Variants in PLTP observed in about 807,000 individuals in gnomAD.
PLTP encodes phospholipid transfer protein, also known as BPI fold containing family E.
In PLTP, 43 loss-of-function variants were observed where a neutral mutation model predicts 54.1. That is an observed-to-expected ratio of 0.79 (90% CI 0.62 to 1.02). The LOEUF is 1.02. PLTP is among the 50% of genes least tolerant of loss of function. PLTP has a pLI of 0.00. For missense variants in PLTP, 604 were observed against 645.9 expected (o/e 0.94, Z 0.70); for synonymous variants, 263 against 264.6 (o/e 0.99, Z 0.06).
rs1303749017 is a variant in PLTP, at chr20:45,908,989, G to A, written c.485+527C>T. Among the ~76,000 whole-genome samples the A allele has an allele frequency of 1.4e-3, 157 of 111,738 alleles. 1 individual carries two copies. Among genetic ancestry groups the A allele is most frequent in the African/African-American group, 5.1e-3 (152 of 29,658 alleles). The allele number at this position is 111,738 out of a possible 152,430, so 73.3% of individuals were successfully genotyped here. On this transcript the variant is annotated intron_variant, in intron 5 of 15. Coordinates refer to ENST00000372431, the MANE Select transcript of PLTP (RefSeq NM_006227.4). ...TTTTTTTTTTTTTTTTTTTTGAGAT[G>A]GAATCTTGCTCTGTCACCAGGCTGG... is the stretch of plus-strand genomic sequence containing the variant.
In PLTP at chr20:45,902,574, G is replaced by C. The variant is rs1432195057; in HGVS notation, c.973C>G (p.Leu325Val). The change falls in exon 11 of 16, where the codon CTG becomes GTG. Residue 325 changes from leucine to valine, a missense_variant. By Grantham distance (32) the Leu-to-Val change is conservative (BLOSUM62 1). Transcript: ENST00000372431. ...GGTGGGGCCAGGACCCGCAGCTCCA[G>C]CTTCAATGGGGAGTCAATCACTGCT... ...SPAVIDSPLKLELRVLAPPRC... is the reference protein window; with the variant it reads ...SPAVIDSPLKVELRVLAPPRC... 1 of 1,613,288 alleles carries C rather than the reference G, an allele frequency of 6.2e-7. No homozygotes were observed.
rs998941622 is a variant in PLTP, at chr20:45,909,873, C to T, written c.329+69G>A. 8.9e-6 allele frequency: 14 copies of T among 1,564,684 alleles called. No individual in the cohort carries two copies. In the African/African-American group the frequency reaches 1.9e-4, roughly 21 times the overall value. On this transcript the variant is annotated intron_variant, in intron 4 of 15. Coordinates refer to ENST00000372431, the MANE Select transcript of PLTP (RefSeq NM_006227.4). ...AACTCAGGAAGGCTAAGGGGGCTGCCCACAGCCCCACAGCACCTCCAGCCC... is the reference window on the plus strand; with the variant it reads ...AACTCAGGAAGGCTAAGGGGGCTGCTCACAGCCCCACAGCACCTCCAGCCC...
chr20:45,905,049 C>T lies in PLTP; in HGVS notation c.775G>A (p.Glu259Lys), dbSNP rs1568774193. 1 of 1,614,232 alleles carries T rather than the reference C, an allele frequency of 6.2e-7. No homozygotes were observed. The highest frequency in any genetic ancestry group is 8.5e-7 in the Non-Finnish European group (1 of 1,180,034). ...PNRAVEPQLQ[E>K]EERMVYVAFS... is the part of the protein sequence containing the mutation. ...GCCACATACACCATCCGCTCTTCCT[C>T]CTGCAGCTGGGGCTCCACTGCCCGG... Residue 259 changes from glutamate (E) to lysine (K), a missense_variant, in exon 9 of 16, where the codon GAG becomes AAG. Coordinates refer to ENST00000372431, the MANE Select transcript of PLTP (RefSeq NM_006227.4).
intron 9 of PLTP, 38 bp downstream of exon 9, chr20:45,904,904 C>A (rs1167478587): frequency 6.2e-7 from 1 of 1,614,184 alleles, no homozygotes; most frequent in Admixed American, 1.7e-5. Flanking sequence ...CTGTCACAGA[C>A]CTTCTCTTGC....
chr20:45,901,899 CAA>C lies in PLTP; in HGVS notation c.1175+366_1175+367del, dbSNP rs5841613. Among the ~76,000 whole-genome samples the C allele has an allele frequency of 1.5e-3, 191 of 127,938 alleles. 2 individuals are homozygous for C. Among genetic ancestry groups the C allele is most frequent in the Middle Eastern group, 4.1e-3 (1 of 244 alleles). The allele number at this position is 127,938 out of a possible 152,430, so 83.9% of individuals were successfully genotyped here. On this transcript the variant is annotated intron_variant, in intron 12 of 15. Coordinates refer to ENST00000372431, the MANE Select transcript of PLTP (RefSeq NM_006227.4). Reference sequence around the variant, plus strand: ...GGGCAACAAGAGCGAAACTCCTTCTCAAAAAAAAAAAAAAAAGAATAATAACA... The same window carrying C: ...GGGCAACAAGAGCGAAACTCCTTCTCAAAAAAAAAAAAAAGAATAATAACA...
At chr20:45,899,597 C>T (rs2083157233) in intron 14 of PLTP, 25 bp downstream of exon 14, 1 of 1,614,012 alleles carries the variant, frequency 6.2e-7, no homozygotes, top group South Asian at 1.1e-5. Context: ...TCCTTTCTTC[C>T]TCCATCCTCA....
At chr20:45,909,480 C>T (rs747930196) in intron 5 of PLTP, 36 bp downstream of exon 5, 7 of 1,612,736 alleles carry the variant, frequency 4.3e-6, no homozygotes, top group Middle Eastern at 1.7e-4. Context: ...CTGTGGGGCT[C>T]GAAAAGGGTG....
intron 7 of PLTP, 69 bp downstream of exon 7, chr20:45,907,623 C>T (rs771531338): frequency 1.4e-6 from 2 of 1,441,732 alleles, no homozygotes; most frequent in Non-Finnish European, 1.9e-6. Context: ...AACAGCAGGG[C>T]TCGGAAGGGG....
intron 5 of PLTP, among the ~76,000 whole-genome samples, chr20:45,908,812 T>A (rs1449105343): frequency 6.6e-6 from 1 of 151,696 alleles, no homozygotes; most frequent in South Asian, 2.1e-4. Context: ...AAAAAAAAAA[T>A]TATTATTTTT....
At chr20:45,903,436 C>T (rs1233317971) in intron 10 of PLTP, among the ~76,000 whole-genome samples, 2 of 152,160 alleles carry the variant, frequency 1.3e-5, no homozygotes, top group South Asian at 2.1e-4. Flanking sequence ...GGCCATGTTG[C>T]CCATGCTGGT....
rs764617523 is a variant in PLTP, at chr20:45,907,912, G to A, written c.486-8C>T. ...AGAAAATCATACACCTTCCTGTGAGGAGAGGAGAGGCCGGATGAGCCCAGA... is the reference window on the plus strand; with the variant it reads ...AGAAAATCATACACCTTCCTGTGAGAAGAGGAGAGGCCGGATGAGCCCAGA... On this transcript the variant is annotated splice_polypyrimidine_tract_variant and splice_region_variant and intron_variant, in intron 5 of 15. Coordinates refer to ENST00000372431, the MANE Select transcript of PLTP (RefSeq NM_006227.4). 15 of 1,568,926 alleles carry A rather than the reference G, an allele frequency of 9.6e-6. No individual in the cohort carries two copies. The highest frequency in any genetic ancestry group is 1.3e-5 in the Non-Finnish European group (15 of 1,156,402).
chr20:45,899,599 C>T (rs1379005560), intron 14 of PLTP, 23 bp downstream of exon 14: 1 of 1,614,180 alleles, frequency 6.2e-7, no homozygotes, highest in Non-Finnish European at 8.5e-7. Flanking sequence ...CTTTCTTCCT[C>T]CATCCTCACA....
In PLTP at chr20:45,904,785, C is replaced by T; in HGVS notation, c.942+15G>A. 1 of 1,614,010 alleles carries T rather than the reference C, an allele frequency of 6.2e-7. No individual in the cohort carries two copies. The highest frequency in any genetic ancestry group is 8.5e-7 in the Non-Finnish European group (1 of 1,179,856). ...GTGTGCAGGTGGCCCTATCCCTGCC[C>T]CCGCCAGCACTCACCAGCAGGACAA... On this transcript the variant is annotated intron_variant, in intron 10 of 15. Transcript: ENST00000372431.
intron 13 of PLTP, 29 bp downstream of exon 13, chr20:45,899,807 G>GGGCCGGGCCC: frequency 7.3e-7 from 1 of 1,369,468 alleles, no homozygotes; most frequent in Non-Finnish European, 1.0e-6. Flanking sequence ...CACGAACCCA[G>GGGCCGGGCCC]CCCAGCCCAC....
chr20:45,911,781 T>G, intron 1 of PLTP: 7 of 433,594 alleles, frequency 1.6e-5, no homozygotes, highest in East Asian at 4.9e-5. Context: ...CCCTTTCCTT[T>G]AGCGGTGGGC....
At chr20:45,899,770 A>T in intron 13 of PLTP, 66 bp downstream of exon 13, 4 of 1,592,718 alleles carry the variant, frequency 2.5e-6, no homozygotes, top group Middle Eastern at 1.7e-4. Flanking sequence ...TTATATGAGG[A>T]GGGGGGGATG....
chr20:45,901,018 C>T (rs182140215), intron 12 of PLTP, among the ~76,000 whole-genome samples: 152 of 152,256 alleles, frequency 1.0e-3, no homozygotes, highest in African/African-American at 3.6e-3. Context: ...GAAGCTGCCT[C>T]TAGAACCTAG....
In PLTP at chr20:45,911,335, T is replaced by A. The variant is rs768518525; in HGVS notation, c.100+18A>T. Reference sequence around the variant, plus strand: ...CCCCGTCCGCTCCCGTCCGTCCCTGTCTGCCCCTGCGCCTTACCCAGCTCC... The same window carrying A: ...CCCCGTCCGCTCCCGTCCGTCCCTGACTGCCCCTGCGCCTTACCCAGCTCC... On this transcript the variant is annotated intron_variant, in intron 2 of 15. Coordinates refer to ENST00000372431, the MANE Select transcript of PLTP (RefSeq NM_006227.4). 1.9e-6 allele frequency: 3 copies of A among 1,613,766 alleles called. No individual in the cohort carries two copies. Among genetic ancestry groups the A allele is most frequent in the Non-Finnish European group, 2.5e-6 (3 of 1,180,010 alleles).
Position 45,898,884 on chromosome 20 carries a change from A to C in PLTP, c.*57T>G, listed in dbSNP as rs1489365132. ...CTACAGGCTATGAATGTGGGAAAAG[A>C]GGGGCTGAGAGGGGTTGGGGTCCTG... On this transcript the variant is annotated 3_prime_UTR_variant, in exon 16 of 16. Coordinates refer to ENST00000372431, the MANE Select transcript of PLTP (RefSeq NM_006227.4). This position sits in a 1 kb window ranked among gnomAD's most constrained non-coding sequence, Gnocchi z 4.6. 2.5e-6 allele frequency: 4 copies of C among 1,593,990 alleles called. No homozygotes were observed. The East Asian group carries it at 9.0e-5, about 36-fold the overall frequency.
Sources: allele counts gnomAD v4.1 joint callset (sites outside exome capture counted in the v4.1 genomes callset), GRCh38; gene constraint gnomAD v4.1.1; non-coding constraint Gnocchi (gnomAD v3.1); transcripts MANE v1.5; gene names NCBI Gene and HGNC (gene_info 2026-07-23, HGNC 2026-07-21).